PRELID2: variants seen among roughly 807,000 people sequenced by gnomAD.
The protein encoded by PRELID2 is PRELI domain containing 2.
In PRELID2, 25 loss-of-function variants were observed where a neutral mutation model predicts 28.4. The observed-to-expected ratio is 0.88, with a 90% CI of 0.64 to 1.23. PRELID2 has a LOEUF of 1.23. Among genes scored for constraint, PRELID2 ranks in the 50% most tolerant of loss-of-function variants. The pLI is 0.00. For missense variants in PRELID2, 201 were observed against 214.4 expected (o/e 0.94, Z 0.39); for synonymous variants, 76 against 71.6 (o/e 1.06, Z -0.31).
intron 1 of PRELID2, among the ~76,000 whole-genome samples, chr5:145,540,378 T>C (rs1000397820): frequency 1.3e-5 from 2 of 151,980 alleles, no homozygotes; most frequent in Non-Finnish European, 1.5e-5. Flanking sequence ...CCAGTAATAC[T>C]TACACTAGTA....
chr5:145,592,236 G>A lies in PRELID2; in HGVS notation n.71-118921C>T, dbSNP rs1032086030. Among the ~76,000 whole-genome samples the A allele has an allele frequency of 5.3e-5, 8 of 152,158 alleles. No homozygotes were observed. In the East Asian group the frequency reaches 5.8e-4, roughly 11 times the overall value. On this transcript the variant is annotated intron_variant and non_coding_transcript_variant, in intron 1 of 2. Coordinates refer to the PRELID2 transcript ENST00000510259. ...TTGAGACCAGCCTGGCCAATATGGC[G>A]AAACCCCGTTTCTACTAAAAATACA...
rs140035173 is a variant in PRELID2 at position 145,612,706 on chromosome 5, C to T, written n.71-139391G>A. Among the ~76,000 whole-genome samples the T allele has an allele frequency of 2.4e-3, 366 of 152,208 alleles. 3 individuals are homozygous for T. The highest frequency in any genetic ancestry group is 8.4e-3 in the African/African-American group (348 of 41,538). The stretch of plus-strand genomic sequence containing the variant: ...GCTCCCACATATCAGTGAAAACATA[C>T]GATGTTTGGTTTTCCATTCCTGAGT... On this transcript the variant is annotated intron_variant and non_coding_transcript_variant, in intron 1 of 2. Coordinates refer to the PRELID2 transcript ENST00000510259.
At chr5:145,334,932 C>T in the PRELID2 span, among the ~76,000 whole-genome samples, 2 of 152,054 alleles carry the variant, frequency 1.3e-5, no homozygotes, top group African/African-American at 4.8e-5. Context: ...CTTTTGAAAA[C>T]TTGGTTATAA....
In PRELID2 at chr5:145,737,254, A is replaced by G. The variant is rs116678352; in HGVS notation, n.70+27677T>C. Among the ~76,000 whole-genome samples the G allele has an allele frequency of 6.9e-3, 1,046 of 152,200 alleles. 11 individuals are homozygous for G. Among genetic ancestry groups the G allele is most frequent in the African/African-American group, 0.023 (964 of 41,542 alleles). On this transcript the variant is annotated intron_variant and non_coding_transcript_variant, in intron 1 of 2. Transcript: ENST00000510259. The stretch of plus-strand genomic sequence containing the variant: ...GAAGCATAGGGTGCTAGGCGGGAGT[A>G]TAACAGGGGACCCAGACTCGTGTGC...
At chr5:145,824,114 A>G (rs1464144654) in intron 1 of PRELID2, among the ~76,000 whole-genome samples, 1 of 152,128 alleles carries the variant, frequency 6.6e-6, no homozygotes, top group African/African-American at 2.4e-5. Flanking sequence ...ATGTGAAAAG[A>G]GAGACACTGG....
chr5:145,741,375 TTTTATTTATAAATTA>T (rs1756731633), intron 1 of PRELID2, among the ~76,000 whole-genome samples: 1 of 112,054 alleles, frequency 8.9e-6, no homozygotes, highest in Non-Finnish European at 1.6e-5. Context: ...TATATATAAA[TTTTATTTATAAATTA>T]TTTATATATA....
At chr5:145,654,706 T>G (rs62392290) in intron 1 of PRELID2, among the ~76,000 whole-genome samples, 34,844 of 151,812 alleles carry the variant, frequency 0.23, 7,711 homozygotes, top group African/African-American at 0.58. Flanking sequence ...CAACCCTTCA[T>G]GCTAAAAACT....
rs113105176 is a variant in PRELID2, at chr5:145,530,634, T to G, written n.71-57319A>C. On this transcript the variant is annotated intron_variant and non_coding_transcript_variant, in intron 1 of 2. Transcript: ENST00000510259. ...CTCTGGTAACGAACGCAGGAACCGG[T>G]TGGCAATGGTACCAAACAGTAGGCT... Among the ~76,000 whole-genome samples the G allele has an allele frequency of 3.3e-5, 5 of 152,080 alleles. 1 individual carries two copies. The highest frequency in any genetic ancestry group is 9.6e-5 in the African/African-American group (4 of 41,516).
chr5:145,292,253 G>T, the PRELID2 span, among the ~76,000 whole-genome samples: 2 of 152,166 alleles, frequency 1.3e-5, no homozygotes, highest in African/African-American at 2.4e-5. Flanking sequence ...TAAAAGTTGG[G>T]AGGTATGCTT....
At chr5:145,273,615 T>C in the PRELID2 span, among the ~76,000 whole-genome samples, 1 of 152,246 alleles carries the variant, frequency 6.6e-6, no homozygotes, top group South Asian at 2.1e-4. Context: ...TGTGTATGAC[T>C]GACAGTCTGA....
chr5:145,374,809 G>T, the PRELID2 span, among the ~76,000 whole-genome samples: 1 of 152,072 alleles, frequency 6.6e-6, no homozygotes, highest in African/African-American at 2.4e-5. Flanking sequence ...TGAAGTTCTT[G>T]TTCTGTGTTT....
intron 1 of PRELID2, among the ~76,000 whole-genome samples, chr5:145,596,715 C>A (rs1753312321): frequency 6.6e-6 from 1 of 152,168 alleles, no homozygotes; most frequent in African/African-American, 2.4e-5. Flanking sequence ...AGAGTTCGTA[C>A]ATGAGATAAA....
the PRELID2 span, among the ~76,000 whole-genome samples, chr5:145,290,774 C>T: frequency 2.3e-3 from 350 of 149,718 alleles, 2 homozygotes; most frequent in African/African-American, 8.1e-3. Flanking sequence ...GAAAAGGTCT[C>T]GGTATATTTG....
intron 5 of PRELID2, among the ~76,000 whole-genome samples, chr5:145,783,331 T>G (rs73306006): frequency 0.038 from 5,857 of 152,246 alleles, 371 homozygotes; most frequent in African/African-American, 0.13. Flanking sequence ...TTAAACTCAG[T>G]AGAAGGAACA....
chr5:145,800,095 T>C lies in PRELID2; in HGVS notation c.369-3548A>G, dbSNP rs78471182. On this transcript the variant is annotated intron_variant, in intron 4 of 6. Transcript: ENST00000683046. Reference sequence around the variant, plus strand: ...TGGCATGTGTTTATATGCATGCATATGTGAGCACATGCACTGAAACAATCA... The same window carrying C: ...TGGCATGTGTTTATATGCATGCATACGTGAGCACATGCACTGAAACAATCA... Among the ~76,000 whole-genome samples, 818 of 152,302 alleles carry C rather than the reference T, an allele frequency of 5.4e-3. 7 individuals are homozygous for C. Among genetic ancestry groups the C allele is most frequent in the East Asian group, 0.018 (96 of 5,190 alleles).
the PRELID2 span, among the ~76,000 whole-genome samples, chr5:145,408,493 T>C: frequency 1.6e-5 from 2 of 127,132 alleles, no homozygotes; most frequent in Non-Finnish European, 3.7e-5. Flanking sequence ...TATAGGGGAT[T>C]GATGAAAAAG....
At chr5:145,608,926 TTTTGTTCATTCTTCTTTA>T (rs1261727884) in intron 1 of PRELID2, among the ~76,000 whole-genome samples, 5 of 152,248 alleles carry the variant, frequency 3.3e-5, no homozygotes, top group African/African-American at 1.2e-4. Flanking sequence ...TTCTCCAAGG[TTTTGTTCATTCTTCTTTA>T]TTTGTTCATT....
the PRELID2 span, among the ~76,000 whole-genome samples, chr5:145,447,740 C>A: frequency 2.0e-3 from 225 of 115,362 alleles, 4 homozygotes; most frequent in East Asian, 0.04. Flanking sequence ...TTTGTTCTTG[C>A]AATAGTTTAC....
At chr5:145,646,635 A>T (rs1005990027) in intron 1 of PRELID2, among the ~76,000 whole-genome samples, 8 of 152,180 alleles carry the variant, frequency 5.3e-5, no homozygotes, top group African/African-American at 1.9e-4. Flanking sequence ...TGGAATTTTC[A>T]GCCTTTTTGC....
Sources: gnomAD v4.1 joint callset for allele counts (sites outside exome capture counted in the v4.1 genomes callset) on GRCh38, gnomAD v4.1.1 for gene constraint, MANE v1.5 for transcripts, NCBI Gene and HGNC (gene_info 2026-07-23, HGNC 2026-07-21) for gene names.